Variants in LYPD6 observed in about 807,000 individuals in gnomAD.
LYPD6 encodes LY6/PLAUR domain containing 6, also known as ly6/PLAUR domain-containing protein 6.
In LYPD6, 15 loss-of-function variants were observed where a neutral mutation model predicts 22.7. The observed-to-expected ratio is 0.66, with a 90% confidence interval of 0.44 to 1.02. LYPD6 has a LOEUF of 1.02. Among genes scored for constraint, LYPD6 ranks in the 50% least tolerant of loss-of-function variants. The pLI, the probability that LYPD6 is intolerant of heterozygous loss-of-function variation, is 0.00. For synonymous variants in LYPD6, 72 were observed against 77.5 expected, an observed-to-expected ratio of 0.93 and a Z score of 0.37; for missense variants, 189 against 208.4, an observed-to-expected ratio of 0.91 and a Z score of 0.57.
intron 3 of LYPD6, among the ~76,000 whole-genome samples, chr2:149,457,911 A>G (rs928962300): frequency 1.3e-5 from 2 of 152,200 alleles, no homozygotes; most frequent in African/African-American, 2.4e-5. Context: ...AGTCTCATAT[A>G]TTCTAGACTT....
At chr2:149,466,167 C>T (rs575374490) in intron 3 of LYPD6, among the ~76,000 whole-genome samples, 37 of 152,176 alleles carry the variant, frequency 2.4e-4, no homozygotes, top group Non-Finnish European at 4.6e-4. Context: ...TCTGCCTGCT[C>T]ACCCCGATAA....
At chr2:149,340,396 T>C (rs573927191) in intron 1 of LYPD6, among the ~76,000 whole-genome samples, 2 of 152,318 alleles carry the variant, frequency 1.3e-5, no homozygotes, top group South Asian at 2.1e-4. Context: ...CCTCTACTTT[T>C]ACTTACATGG....
rs376712119 is a variant in LYPD6 at position 149,445,009 on chromosome 2, A to G, written c.119-4040A>G. ...ATAGGCTTACAAATATATTTCTTAA[A>G]CAATAAAACTTGAAACTCAAAATGA... On this transcript the variant is annotated intron_variant, in intron 2 of 4. Transcript: ENST00000334166. 1.3e-4 allele frequency among the ~76,000 whole-genome samples: 20 copies of G among 152,338 alleles called. 1 individual carries two copies. The East Asian group carries it at 2.1e-3, about 16-fold the overall frequency.
chr2:149,401,073 A>G lies in LYPD6; in HGVS notation c.-71-36565A>G, dbSNP rs116373719. On this transcript the variant is annotated intron_variant, in intron 1 of 4. Transcript: ENST00000334166. ...GAAGGAAAAGCAAAAGTCCAGTGCA[A>G]AGCTTTCTTGGAAGGCCTGCTAGTG... is the stretch of plus-strand genomic sequence containing the variant. Among the ~76,000 whole-genome samples the G allele has an allele frequency of 7.8e-3, 1,192 of 152,310 alleles. 15 individuals carry two copies. The highest frequency in any genetic ancestry group is 0.026 in the African/African-American group (1,077 of 41,564).
chr2:149,440,341 A>C (rs1362627797), intron 2 of LYPD6: 1 of 164,716 alleles, frequency 6.1e-6, no homozygotes, highest in Non-Finnish European at 1.3e-5. Context: ...AAAGAATCAA[A>C]TTGTTCCTAA....
At chr2:149,455,403 C>T (rs895793801) in intron 3 of LYPD6, among the ~76,000 whole-genome samples, 2 of 151,834 alleles carry the variant, frequency 1.3e-5, no homozygotes, top group South Asian at 2.1e-4. Flanking sequence ...GGACTACAGG[C>T]GCCCACCACC....
chr2:149,462,414 A>C (rs1681106406), intron 3 of LYPD6, among the ~76,000 whole-genome samples: 1 of 151,994 alleles, frequency 6.6e-6, no homozygotes, highest in South Asian at 2.1e-4. Context: ...CAATGAAAAA[A>C]ATAAAATTTA....
downstream of LYPD6, among the ~76,000 whole-genome samples, chr2:149,477,022 A>T (rs1185696784): frequency 6.6e-6 from 1 of 152,184 alleles, no homozygotes; most frequent in Non-Finnish European, 1.5e-5. Context: ...GGCTGAGTAG[A>T]TGTCAGTGGT....
intron 1 of LYPD6, among the ~76,000 whole-genome samples, chr2:149,335,752 A>G (rs1423217289): frequency 2.6e-5 from 4 of 152,122 alleles, no homozygotes; most frequent in African/African-American, 7.2e-5. Flanking sequence ...TTTCTTTTAT[A>G]CCGTATTTTT....
chr2:149,392,294 T>A (rs1216740098), intron 1 of LYPD6, among the ~76,000 whole-genome samples: 2 of 152,178 alleles, frequency 1.3e-5, no homozygotes, highest in Non-Finnish European at 2.9e-5. Context: ...TACCATTCAG[T>A]ACATAGCATA....
intron 1 of LYPD6, among the ~76,000 whole-genome samples, chr2:149,372,390 T>G (rs1681831666): frequency 6.6e-6 from 1 of 152,210 alleles, no homozygotes; most frequent in African/African-American, 2.4e-5. Context: ...TGACTAAATT[T>G]CCCTAGCAGA....
chr2:149,366,741 C>A (rs1357623709), intron 1 of LYPD6, among the ~76,000 whole-genome samples: 1 of 152,128 alleles, frequency 6.6e-6, no homozygotes, highest in African/African-American at 2.4e-5. Context: ...TTATAGAAGT[C>A]AGAATAAAAG....
At chr2:149,353,839 A>G (rs1681402670) in intron 1 of LYPD6, among the ~76,000 whole-genome samples, 1 of 152,106 alleles carries the variant, frequency 6.6e-6, no homozygotes, top group Admixed American at 6.5e-5. Flanking sequence ...TGTAAATTAA[A>G]TCAAATCTTT....
intron 1 of LYPD6, among the ~76,000 whole-genome samples, chr2:149,431,767 G>A (rs929533337): frequency 6.6e-6 from 1 of 151,802 alleles, no homozygotes; most frequent in African/African-American, 2.4e-5. Context: ...ATAATGTGTG[G>A]GCTCTATCAA....
intron 1 of LYPD6, among the ~76,000 whole-genome samples, chr2:149,410,574 A>G (rs978415092): frequency 6.6e-6 from 1 of 152,190 alleles, no homozygotes; most frequent in Admixed American, 6.5e-5. Context: ...GTCCTATGCT[A>G]ATTTCTGGTA....
chr2:149,448,906 C>G, intron 2 of LYPD6, 143 bp from the exon 3 acceptor site: 1 of 597,802 alleles, frequency 1.7e-6, no homozygotes, highest in East Asian at 3.0e-5. Flanking sequence ...AGTAAAGTTG[C>G]TGGGTCATAT....
chr2:149,386,017 G>A (rs1237603956), intron 1 of LYPD6, among the ~76,000 whole-genome samples: 1 of 152,072 alleles, frequency 6.6e-6, no homozygotes, highest in African/African-American at 2.4e-5. Context: ...CCCAAGACCT[G>A]TAATTAACCG....
rs192908904 is a variant in LYPD6 at position 149,398,445 on chromosome 2, G to A, written c.-71-39193G>A. 4.1e-4 allele frequency among the ~76,000 whole-genome samples: 54 copies of A among 132,782 alleles called. No homozygotes were observed. The East Asian group carries it at 0.011, about 28-fold the overall frequency. The allele number at this position is 132,782 out of a possible 152,430, so 87.1% of individuals were successfully genotyped here. On this transcript the variant is annotated intron_variant, in intron 1 of 4. Coordinates refer to ENST00000334166, the MANE Select transcript of LYPD6 (RefSeq NM_194317.5). ...TGTGTGTGTGTGTGTGTGTGTGTGT[G>A]TGTATGTGTATGTGCACACTCGTTT... is the stretch of plus-strand genomic sequence containing the variant.
chr2:149,439,235 A>G (rs904361429), intron 2 of LYPD6, among the ~76,000 whole-genome samples: 1 of 152,092 alleles, frequency 6.6e-6, no homozygotes, highest in Non-Finnish European at 1.5e-5. Flanking sequence ...TTAGATTTCT[A>G]TTGTCTCTGT....
Sources: allele counts gnomAD v4.1 joint callset (sites outside exome capture counted in the v4.1 genomes callset), GRCh38; gene constraint gnomAD v4.1.1; transcripts MANE v1.5; gene names NCBI Gene and HGNC (gene_info 2026-07-23, HGNC 2026-07-21).